The following GPR55 variants were observed in gnomAD, a reference collection of about 807,000 sequenced individuals.
GPR55 encodes the protein G-protein coupled receptor 55.
Under a neutral mutation model 7.9 loss-of-function variants are expected in GPR55, and 6 were observed. That is an observed-to-expected ratio of 0.76 (90% CI 0.41 to 1.49). The LOEUF (loss-of-function observed/expected upper bound fraction) is 1.49, where lower values mean the gene tolerates loss of function less well. Ranked by LOEUF, GPR55 falls within the 40% of genes most tolerant of loss-of-function variation. The pLI, the probability that GPR55 is intolerant of heterozygous loss-of-function variation, is 0.01. For missense variants in GPR55, 376 were observed against 406.0 expected, an observed-to-expected ratio of 0.93 and a Z score of 0.63; for synonymous variants, 183 against 166.8, an observed-to-expected ratio of 1.10 and a Z score of -0.75.
intron 1 of GPR55, among the ~76,000 whole-genome samples, chr2:230,922,893 A>G (rs1410074650): frequency 1.3e-5 from 2 of 150,806 alleles, no homozygotes; most frequent in African/African-American, 4.9e-5. Context: ...TTGTAGAGAC[A>G]AGGTCTTACT....
At chr2:230,934,281 C>G (rs1022200730) in intron 1 of GPR55, among the ~76,000 whole-genome samples, 1 of 152,208 alleles carries the variant, frequency 6.6e-6, no homozygotes, top group East Asian at 1.9e-4. Flanking sequence ...GGGCCAGCAC[C>G]TCTCTGCACC....
intron 1 of GPR55, among the ~76,000 whole-genome samples, chr2:230,930,344 T>G (rs1691015046): frequency 6.6e-6 from 1 of 152,234 alleles, no homozygotes; most frequent in African/African-American, 2.4e-5. Flanking sequence ...CTTTAGCTAT[T>G]GAATTCCTAT....
intron 1 of GPR55, among the ~76,000 whole-genome samples, chr2:230,949,521 T>C (rs557432990): frequency 1.3e-5 from 2 of 152,308 alleles, no homozygotes; most frequent in East Asian, 3.9e-4. Context: ...ATGGGGTGGA[T>C]TCCATCAATT....
At chr2:230,911,992 C>A (rs551635873) in intron 1 of GPR55, among the ~76,000 whole-genome samples, 148 of 152,218 alleles carry the variant, frequency 9.7e-4, no homozygotes, top group African/African-American at 1.6e-3. Flanking sequence ...CATCCAGAAC[C>A]AGGTTGCTAG....
At chr2:230,935,130 C>G (rs1488237767) in intron 1 of GPR55, among the ~76,000 whole-genome samples, 1 of 152,314 alleles carries the variant, frequency 6.6e-6, no homozygotes, top group African/African-American at 2.4e-5. Flanking sequence ...GGACCCGCAG[C>G]CTCAGCACCA....
chr2:230,928,131 C>T (rs1355061825), upstream of GPR55, among the ~76,000 whole-genome samples: 6 of 152,100 alleles, frequency 3.9e-5, no homozygotes, highest in African/African-American at 9.7e-5. Flanking sequence ...TGGCAGGAGC[C>T]GAGGCTGGAA....
chr2:230,939,332 T>C (rs1254154176), intron 1 of GPR55, among the ~76,000 whole-genome samples: 1 of 152,096 alleles, frequency 6.6e-6, no homozygotes, highest in Non-Finnish European at 1.5e-5. Flanking sequence ...AGCTGGGAGA[T>C]GTCACAGGCC....
chr2:230,913,861 A>T (rs187372519), intron 1 of GPR55, among the ~76,000 whole-genome samples: 1 of 152,356 alleles, frequency 6.6e-6, no homozygotes, highest in East Asian at 1.9e-4. Flanking sequence ...GTTGTCTTCA[A>T]GACCAGAAAC....
At chr2:230,949,584 A>AGGGT (rs1691368489) in intron 1 of GPR55, among the ~76,000 whole-genome samples, 1 of 151,726 alleles carries the variant, frequency 6.6e-6, no homozygotes, top group African/African-American at 2.4e-5. Context: ...TCTGTGGGGA[A>AGGGT]GGGTGGTCTT....
At chr2:230,951,269 C>T (rs572468403) in intron 1 of GPR55, among the ~76,000 whole-genome samples, 8 of 152,174 alleles carry the variant, frequency 5.3e-5, no homozygotes, top group East Asian at 3.9e-4. Context: ...GAGGACACCC[C>T]GCTGCTGTCC....
chr2:230,940,028 G>A (rs1031124336), intron 1 of GPR55, among the ~76,000 whole-genome samples: 1 of 152,122 alleles, frequency 6.6e-6, no homozygotes, highest in African/African-American at 2.4e-5. Flanking sequence ...GTCCTGCCAG[G>A]CACCAGAAAG....
chr2:230,952,862 C>T (rs1487928204), intron 1 of GPR55, among the ~76,000 whole-genome samples: 1 of 152,206 alleles, frequency 6.6e-6, no homozygotes, highest in African/African-American at 2.4e-5. Flanking sequence ...GCAGCTGAAG[C>T]CTCTGCATGG....
At chr2:230,959,537 G>C (rs1691538623) in intron 1 of GPR55, among the ~76,000 whole-genome samples, 1 of 152,196 alleles carries the variant, frequency 6.6e-6, no homozygotes, top group Non-Finnish European at 1.5e-5. Context: ...CCATTTTTCA[G>C]ATGAGGAAAT....
At chr2:230,945,549 G>C (rs1691300033) in intron 1 of GPR55, among the ~76,000 whole-genome samples, 1 of 152,204 alleles carries the variant, frequency 6.6e-6, no homozygotes, top group Admixed American at 6.5e-5. Flanking sequence ...TTTCGTGGTG[G>C]ACGATATTAC....
chr2:230,928,272 A>G (rs1230402738), upstream of GPR55, among the ~76,000 whole-genome samples: 1 of 152,154 alleles, frequency 6.6e-6, no homozygotes, highest in African/African-American at 2.4e-5. Flanking sequence ...ACCAGCAGCA[A>G]CAAGAAGGAA....
At chr2:230,935,201 T>G (rs934665468) in intron 1 of GPR55, among the ~76,000 whole-genome samples, 2 of 152,140 alleles carry the variant, frequency 1.3e-5, no homozygotes, top group Non-Finnish European at 2.9e-5. Context: ...CGGCGGTGTT[T>G]TAGTTCAGGC....
At chr2:230,927,899 G>T (rs766322565), upstream of GPR55, among the ~76,000 whole-genome samples, 13 of 152,238 alleles carry the variant, frequency 8.5e-5, no homozygotes, top group Admixed American at 6.5e-4. Flanking sequence ...CCCACCAGGG[G>T]GTTTGCAGGG....
At chr2:230,934,179 T>C (rs1036283285) in intron 1 of GPR55, among the ~76,000 whole-genome samples, 1 of 152,228 alleles carries the variant, frequency 6.6e-6, no homozygotes, top group East Asian at 1.9e-4. Context: ...TGGCTGTTTC[T>C]CCACCTGCCC....
At chr2:230,950,807 A>G (rs1262847751) in intron 1 of GPR55, among the ~76,000 whole-genome samples, 1 of 151,862 alleles carries the variant, frequency 6.6e-6, no homozygotes, top group Non-Finnish European at 1.5e-5. Context: ...CAGGACTCGT[A>G]TCTTCCCCCG....
Sources: gnomAD v4.1 joint callset for allele counts (sites outside exome capture counted in the v4.1 genomes callset) on GRCh38, gnomAD v4.1.1 for gene constraint, MANE v1.5 for transcripts, NCBI Gene and HGNC (gene_info 2026-07-23, HGNC 2026-07-21) for gene names.